C1orf21: variants seen among roughly 807,000 people sequenced by gnomAD.
C1orf21 encodes the protein chromosome 1 open reading frame 21.
Under a neutral mutation model 18.7 loss-of-function variants are expected in C1orf21, and 3 were observed. That is an observed-to-expected ratio of 0.16 (90% confidence interval 0.07 to 0.42). C1orf21 has a LOEUF of 0.42. Ranked by LOEUF, C1orf21 falls within the 10% of genes least tolerant of loss-of-function variation. The pLI is 0.99. For synonymous variants in C1orf21, 41 were observed against 46.4 expected, an observed-to-expected ratio of 0.88 and a Z score of 0.47; for missense variants, 104 against 143.6, an observed-to-expected ratio of 0.72 and a Z score of 1.41.
intron 1 of C1orf21, among the ~76,000 whole-genome samples, chr1:184,445,387 T>C: frequency 6.7e-6 from 1 of 149,292 alleles, no homozygotes; most frequent in African/African-American, 2.5e-5. Flanking sequence ...AAGGAGCTGC[T>C]CTCCTTCTCC....
chr1:184,481,234 G>A (rs1657649551), intron 2 of C1orf21, among the ~76,000 whole-genome samples: 1 of 152,204 alleles, frequency 6.6e-6, no homozygotes, highest in Non-Finnish European at 1.5e-5. Context: ...GAAGCTCTCA[G>A]TCGCATTCCA....
intron 3 of C1orf21, among the ~76,000 whole-genome samples, chr1:184,515,900 G>A (rs1445057287): frequency 2.0e-5 from 3 of 151,966 alleles, no homozygotes; most frequent in Admixed American, 6.6e-5. Flanking sequence ...TGCAACCTCC[G>A]CCTCCAGGTT....
chr1:184,513,904 G>A (rs1270361942), intron 3 of C1orf21, among the ~76,000 whole-genome samples: 1 of 152,204 alleles, frequency 6.6e-6, no homozygotes, highest in Admixed American at 6.5e-5. Context: ...AACCAAAACA[G>A]AGAATCTTAG....
At chr1:184,465,390 C>A (rs1265531564) in intron 1 of C1orf21, among the ~76,000 whole-genome samples, 2 of 151,832 alleles carry the variant, frequency 1.3e-5, no homozygotes, top group African/African-American at 2.4e-5. Context: ...AAGCAAAAAA[C>A]AAATAAAAAT....
At chr1:184,616,790 A>T (rs1017528465) in intron 5 of C1orf21, among the ~76,000 whole-genome samples, 12 of 152,064 alleles carry the variant, frequency 7.9e-5, no homozygotes, top group African/African-American at 2.9e-4. Context: ...TGGATGAAGC[A>T]CCCTCTAAAC....
intron 1 of C1orf21, among the ~76,000 whole-genome samples, chr1:184,395,542 A>G (rs1656038932): frequency 6.6e-6 from 1 of 151,886 alleles, no homozygotes; most frequent in Non-Finnish European, 1.5e-5. Context: ...GATGCTGGAG[A>G]TAGATAAAAA....
chr1:184,437,630 C>T (rs189079687), intron 1 of C1orf21, among the ~76,000 whole-genome samples: 332 of 152,106 alleles, frequency 2.2e-3, no homozygotes, highest in Non-Finnish European at 3.5e-3. Flanking sequence ...TTTAATGCAG[C>T]GATCTTCGGC....
intron 2 of C1orf21, among the ~76,000 whole-genome samples, chr1:184,482,447 C>T (rs1365257444): frequency 6.6e-6 from 1 of 152,126 alleles, no homozygotes; most frequent in African/African-American, 2.4e-5. Flanking sequence ...GAGAATGTGC[C>T]CGTAGAAAGA....
At chr1:184,428,583 G>A (rs1192257194) in intron 1 of C1orf21, among the ~76,000 whole-genome samples, 3 of 152,144 alleles carry the variant, frequency 2.0e-5, no homozygotes, top group Admixed American at 6.6e-5. Context: ...TTAATGATAC[G>A]AACATCAAGT....
chr1:184,473,591 T>C (rs1246848133), intron 1 of C1orf21, among the ~76,000 whole-genome samples: 4 of 152,162 alleles, frequency 2.6e-5, no homozygotes, highest in Admixed American at 6.5e-5. Context: ...GAGGTCTCAG[T>C]TGGATTGAGA....
chr1:184,530,436 CAAT>C (rs967666362), intron 3 of C1orf21, among the ~76,000 whole-genome samples: 33 of 152,074 alleles, frequency 2.2e-4, no homozygotes, highest in African/African-American at 7.5e-4. Flanking sequence ...ATGATGAAGG[CAAT>C]GATGATGATG....
intron 1 of C1orf21, among the ~76,000 whole-genome samples, chr1:184,404,824 C>G (rs80053700): frequency 2.0e-5 from 3 of 152,150 alleles, no homozygotes; most frequent in Non-Finnish European, 2.9e-5. Context: ...TCTCTACCCC[C>G]TCGTGATGCG....
chr1:184,524,065 A>G (rs746654897), intron 3 of C1orf21, among the ~76,000 whole-genome samples: 6 of 152,126 alleles, frequency 3.9e-5, no homozygotes, highest in Non-Finnish European at 7.4e-5. Flanking sequence ...TTTATAAACA[A>G]CTAGTATCTT....
At chr1:184,546,257 A>G (rs1658725681) in intron 3 of C1orf21, among the ~76,000 whole-genome samples, 1 of 152,188 alleles carries the variant, frequency 6.6e-6, no homozygotes, top group South Asian at 2.1e-4. Flanking sequence ...CAACATGGTG[A>G]AACCCTGTCT....
intron 1 of C1orf21, among the ~76,000 whole-genome samples, chr1:184,388,034 T>A (rs1263053945): frequency 6.6e-6 from 1 of 152,200 alleles, no homozygotes; most frequent in East Asian, 1.9e-4. Flanking sequence ...CACTCTCCTC[T>A]GCAGGCAGTT....
intron 1 of C1orf21, among the ~76,000 whole-genome samples, chr1:184,422,443 GT>G (rs534192862): frequency 2.3e-3 from 344 of 152,296 alleles, no homozygotes; most frequent in Middle Eastern, 0.017. Context: ...CCCTAATGAG[GT>G]AGGAGCTATT....
intron 3 of C1orf21, among the ~76,000 whole-genome samples, chr1:184,536,401 G>C (rs1291516639): frequency 6.6e-6 from 1 of 152,128 alleles, no homozygotes; most frequent in African/African-American, 2.4e-5. Flanking sequence ...CAGCCAGTGA[G>C]AGAAGGGAAA....
intron 2 of C1orf21, among the ~76,000 whole-genome samples, chr1:184,487,812 C>T (rs1405002302): frequency 6.6e-6 from 1 of 152,138 alleles, no homozygotes; most frequent in Non-Finnish European, 1.5e-5. Context: ...TGGGTTTTCC[C>T]ATCTGTGTAG....
chr1:184,598,388 C>T lies in C1orf21; in HGVS notation c.267-13C>T. 6.2e-7 allele frequency: 1 copy of T among 1,612,584 alleles called. No homozygotes were observed. Among genetic ancestry groups the T allele is most frequent in the Non-Finnish European group, 8.5e-7 (1 of 1,179,524 alleles). On this transcript the variant is annotated splice_polypyrimidine_tract_variant and intron_variant, in intron 4 of 5. Transcript: ENST00000235307. ...GCACTAAAATATGCACTTAACTACC[C>T]TTTGTTTTTCAGCATGCACATCTCT...
Sources: gnomAD v4.1 joint callset for allele counts (sites outside exome capture counted in the v4.1 genomes callset) on GRCh38, gnomAD v4.1.1 for gene constraint, MANE v1.5 for transcripts, NCBI Gene and HGNC (gene_info 2026-07-23, HGNC 2026-07-21) for gene names.